The following TSHZ2 variants were observed in gnomAD, a reference collection of about 807,000 sequenced individuals.
TSHZ2 encodes the protein teashirt homolog 2.
TSHZ2 carries 21 observed loss-of-function variants against 74.4 expected under a neutral mutation model. The observed-to-expected ratio is 0.28, with a 90% CI of 0.20 to 0.41. The LOEUF (loss-of-function observed/expected upper bound fraction) is 0.41, where lower values mean the gene tolerates loss of function less well. Among genes scored for constraint, TSHZ2 ranks in the 10% least tolerant of loss-of-function variants. TSHZ2 has a pLI of 1.00. For missense variants in TSHZ2, 1,244 were observed against 1,293.5 expected (o/e 0.96, Z 0.59); for synonymous variants, 540 against 515.3 (o/e 1.05, Z -0.65).
At chr20:53,240,907 A>C (rs1407125136) in intron 1 of TSHZ2, among the ~76,000 whole-genome samples, 2 of 152,156 alleles carry the variant, frequency 1.3e-5, no homozygotes, top group Non-Finnish European at 2.9e-5. Context: ...GCCAGAAAGA[A>C]TATCAAGAAC....
chr20:53,371,012 TC>T (rs960454189), intron 2 of TSHZ2, among the ~76,000 whole-genome samples: 5 of 152,176 alleles, frequency 3.3e-5, no homozygotes, highest in African/African-American at 9.7e-5. Flanking sequence ...CTTCTGGTGT[TC>T]CTTGGGTTGC....
intron 2 of TSHZ2, among the ~76,000 whole-genome samples, chr20:53,334,682 T>C (rs555930853): frequency 6.6e-6 from 1 of 152,258 alleles, no homozygotes; most frequent in East Asian, 1.9e-4. Flanking sequence ...ATTTACTTTT[T>C]TTTTTTCTAA....
chr20:53,206,427 T>C (rs1989169318), intron 1 of TSHZ2: 1 of 152,176 alleles, frequency 6.6e-6, no homozygotes, highest in Non-Finnish European at 1.5e-5. Context: ...TTGCTTTTAC[T>C]TTTCTGACTC....
chr20:53,481,392 C>T (rs951640734), intron 2 of TSHZ2, among the ~76,000 whole-genome samples: 3 of 151,714 alleles, frequency 2.0e-5, no homozygotes, highest in Non-Finnish European at 2.9e-5. Flanking sequence ...GGCAACGTGG[C>T]GAAACCCTGT....
intron 2 of TSHZ2, chr20:53,401,253 A>G (rs755515800): frequency 6.6e-5 from 10 of 152,262 alleles, no homozygotes; most frequent in Non-Finnish European, 1.3e-4. Flanking sequence ...AAATATACAA[A>G]TTAGACAACA....
intron 1 of TSHZ2, among the ~76,000 whole-genome samples, chr20:53,016,930 G>T (rs1314958512): frequency 1.3e-5 from 2 of 152,082 alleles, no homozygotes; most frequent in Non-Finnish European, 2.9e-5. Context: ...TGGGGGGCTT[G>T]CTTGTTTTCA....
intron 2 of TSHZ2, among the ~76,000 whole-genome samples, chr20:53,263,326 C>T (rs772948659): frequency 7.2e-5 from 11 of 152,172 alleles, no homozygotes; most frequent in Non-Finnish European, 1.5e-5. Context: ...CATTCAGCAT[C>T]AAGACTGTTG....
At chr20:52,999,418 A>G (rs1005233214) in intron 1 of TSHZ2, among the ~76,000 whole-genome samples, 2 of 152,254 alleles carry the variant, frequency 1.3e-5, no homozygotes, top group African/African-American at 2.4e-5. Context: ...GAAGGGGGCT[A>G]TAAACCATAG....
chr20:53,191,580 T>A (rs572527688), intron 1 of TSHZ2, among the ~76,000 whole-genome samples: 61 of 152,346 alleles, frequency 4.0e-4, no homozygotes, highest in African/African-American at 1.4e-3. Context: ...GGAGAATCAC[T>A]TGAACCCAGG....
Position 53,255,226 on chromosome 20 carries a change from A to G in TSHZ2, c.1768A>G (p.Met590Val), listed in dbSNP as rs779702153. ...PKWKVMPLVS[M>V]PTHLAPYTQV... The stretch of plus-strand genomic sequence containing the variant: ...GTGGAAAGTGATGCCACTGGTTTCT[A>G]TGCCCACACACCTGGCCCCTTACAC... The change falls in exon 2 of 3, where the codon ATG (methionine) becomes GTG (valine). Residue 590 changes from methionine to valine, a missense_variant. Around this residue, in one of 6 missense-constraint regions of TSHZ2, gnomAD observed 562 missense variants for 544.0 expected, o/e 1.03. Transcript: ENST00000371497. This position sits in a 1 kb window ranked among gnomAD's most constrained non-coding sequence, Gnocchi z 4.1. 2 of 1,614,110 alleles carry G rather than the reference A, an allele frequency of 1.2e-6. No individual in the cohort carries two copies. Among genetic ancestry groups the G allele is most frequent in the African/African-American group, 1.3e-5 (1 of 74,936 alleles).
At chr20:53,052,394 C>G (rs535331790) in intron 1 of TSHZ2, among the ~76,000 whole-genome samples, 5 of 152,234 alleles carry the variant, frequency 3.3e-5, no homozygotes, top group African/African-American at 1.2e-4. Flanking sequence ...GAAGTACGAA[C>G]CCTATTGTGA....
intron 1 of TSHZ2, among the ~76,000 whole-genome samples, chr20:52,978,957 AT>A (rs148833773): frequency 0.019 from 2,855 of 150,252 alleles, 46 homozygotes; most frequent in Middle Eastern, 0.059. Flanking sequence ...GGTATTTTTA[AT>A]TTTTTTTTTA....
chr20:53,274,837 C>CT (rs1474292818), intron 2 of TSHZ2, among the ~76,000 whole-genome samples: 3 of 152,164 alleles, frequency 2.0e-5, no homozygotes, highest in African/African-American at 7.2e-5. Flanking sequence ...ATCCCCTTCC[C>CT]TAGAGATGGG....
intron 1 of TSHZ2, among the ~76,000 whole-genome samples, chr20:53,004,226 T>C (rs1320388577): frequency 6.6e-6 from 1 of 150,462 alleles, no homozygotes; most frequent in Non-Finnish European, 1.5e-5. Context: ...ACAAATTTCA[T>C]CCAGAAATAC....
At chr20:53,264,874 G>C (rs1350917433) in intron 2 of TSHZ2, among the ~76,000 whole-genome samples, 1 of 152,158 alleles carries the variant, frequency 6.6e-6, no homozygotes, top group Non-Finnish European at 1.5e-5. Context: ...TGGCAGTGTG[G>C]AGGGCCAGAG....
At chr20:53,046,679 G>A (rs779325075) in intron 1 of TSHZ2, among the ~76,000 whole-genome samples, 1 of 152,026 alleles carries the variant, frequency 6.6e-6, no homozygotes, top group Non-Finnish European at 1.5e-5. Flanking sequence ...CTCAGCCCAA[G>A]CAGTAGAGTA....
At chr20:53,193,499 T>C (rs577898295) in intron 1 of TSHZ2, among the ~76,000 whole-genome samples, 5 of 152,322 alleles carry the variant, frequency 3.3e-5, no homozygotes, top group East Asian at 1.9e-4. Flanking sequence ...CTCTTTTGTA[T>C]GTTGTCTCCC....
chr20:53,313,158 C>G (rs887957742), intron 2 of TSHZ2, among the ~76,000 whole-genome samples: 8 of 152,184 alleles, frequency 5.3e-5, no homozygotes, highest in Non-Finnish European at 1.0e-4. Context: ...TCAGACTAGC[C>G]AAGACTTGGA....
chr20:52,974,532 A>G (rs1311952226), intron 1 of TSHZ2, among the ~76,000 whole-genome samples: 1 of 151,886 alleles, frequency 6.6e-6, no homozygotes, highest in Non-Finnish European at 1.5e-5. Context: ...CTCTGTCTTT[A>G]CCCTCTTGAT....
Sources: gnomAD v4.1 joint callset for allele counts (sites outside exome capture counted in the v4.1 genomes callset) on GRCh38, gnomAD v4.1.1 for gene constraint, gnomAD v4.1.1 regional missense constraint, Gnocchi (gnomAD v3.1) non-coding constraint, MANE v1.5 for transcripts, NCBI Gene and HGNC (gene_info 2026-07-23, HGNC 2026-07-21) for gene names.